RAPGEF1: variants seen among roughly 807,000 people sequenced by gnomAD.
RAPGEF1 encodes the protein CRK SH3-binding GNRP.
In RAPGEF1, 33 loss-of-function variants were observed where a neutral mutation model predicts 143.3. The observed-to-expected ratio is 0.23, with a 90% CI of 0.17 to 0.31. The LOEUF is 0.31. RAPGEF1 is among the 10% of genes least tolerant of loss of function. The pLI is 1.00. For synonymous variants in RAPGEF1, 629 were observed against 676.5 expected (o/e 0.93, Z 1.09); for missense variants, 1,199 against 1,645.4 (o/e 0.73, Z 4.69).
At chr9:131,587,631 C>A in intron 22 of RAPGEF1, 105 bp downstream of exon 22, 2 of 1,025,238 alleles carry the variant, frequency 2.0e-6, no homozygotes, top group South Asian at 1.4e-5. Context: ...ATGAAAGAGG[C>A]AGCTCCTTCT....
chr9:131,639,437 AGTGTGTGTGTGTGT>A (rs3837234), intron 4 of RAPGEF1, among the ~76,000 whole-genome samples: 2 of 149,068 alleles, frequency 1.3e-5, no homozygotes, highest in Non-Finnish European at 3.0e-5. Context: ...AACGCAGGTG[AGTGTGTGTGTGTGT>A]GTGTGTGTGT....
At chr9:131,661,181 A>T (rs1973977227) in intron 1 of RAPGEF1, among the ~76,000 whole-genome samples, 1 of 152,246 alleles carries the variant, frequency 6.6e-6, no homozygotes, top group African/African-American at 2.4e-5. Flanking sequence ...TCACCATCAG[A>T]CATGTACCAG....
intron 13 of RAPGEF1, 30 bp downstream of exon 13, chr9:131,604,885 GGTGTGTGTGTGTGTGT>G: frequency 8.4e-7 from 1 of 1,191,408 alleles, no homozygotes; most frequent in Admixed American, 2.6e-5. Context: ...CATGTGCAGG[GGTGTGTGTGTGTGTGT>G]GTGTGTGTGT....
chr9:131,610,766 C>T (rs1957916002), intron 12 of RAPGEF1, among the ~76,000 whole-genome samples: 1 of 152,198 alleles, frequency 6.6e-6, no homozygotes, highest in Non-Finnish European at 1.5e-5. Context: ...AGTGTGGGCC[C>T]TAATTTATCT....
Position 131,613,547 on chromosome 9 carries a change from C to T in RAPGEF1, c.2061+5504G>A, listed in dbSNP as rs191725442. Among the ~76,000 whole-genome samples, 3 of 152,274 alleles carry T rather than the reference C, an allele frequency of 2.0e-5. No homozygotes were observed. The East Asian group carries it at 5.8e-4, about 29-fold the overall frequency. On this transcript the variant is annotated intron_variant, in intron 12 of 26. Coordinates refer to ENST00000683357, the MANE Select transcript of RAPGEF1 (RefSeq NM_001377935.1). ...GGGGTGGGGAGGAAGTGAGTGGCCA[C>T]GGGCTGGAGAGAAGCGGACCCGCTC...
intron 11 of RAPGEF1, among the ~76,000 whole-genome samples, chr9:131,619,656 C>T (rs1960167312): frequency 6.6e-6 from 1 of 152,190 alleles, no homozygotes; most frequent in Non-Finnish European, 1.5e-5. Flanking sequence ...GTCTCCGTGC[C>T]TCAGGTTTTC....
In RAPGEF1 at chr9:131,679,775, A is replaced by G. The variant is rs534985254; in HGVS notation, c.62-28826T>C. ...AAAGAACTGATTTCCTTGGAGCTGT[A>G]GGACTAAGGTCCCCAGCTTCTTGTT... On this transcript the variant is annotated intron_variant, in intron 1 of 26. Transcript: ENST00000683357. Among the ~76,000 whole-genome samples the G allele has an allele frequency of 4.9e-3, 747 of 152,344 alleles. 4 individuals are homozygous for G. Among genetic ancestry groups the G allele is most frequent in the Non-Finnish European group, 8.2e-3 (560 of 68,030 alleles).
chr9:131,642,546 C>A (rs988985657), intron 4 of RAPGEF1, among the ~76,000 whole-genome samples: 2 of 152,218 alleles, frequency 1.3e-5, no homozygotes, highest in Non-Finnish European at 2.9e-5. Flanking sequence ...TGAACACGTG[C>A]CTGCTTGCTT....
chr9:131,604,960 G>C lies in RAPGEF1; in HGVS notation c.2290C>G (p.Leu764Val). Residue 764 changes from leucine to valine, a missense_variant, in exon 13 of 27, where the codon CTT (leucine) becomes GTT (valine). Transcript: ENST00000683357. ...ESSFHGNTVCLPSETSFTDSS... is the reference protein window; with the variant it reads ...ESSFHGNTVCVPSETSFTDSS... ...TCAGTGAAAGAGGTTTCGGAAGGAA[G>C]GCAGACAGTATTCCCATGAAAGCTG... is the stretch of plus-strand genomic sequence containing the variant. 7.6e-7 allele frequency: 1 copy of C among 1,313,450 alleles called. No individual in the cohort carries two copies. Among genetic ancestry groups the C allele is most frequent in the Non-Finnish European group, 1.0e-6 (1 of 994,194 alleles). 81.4% of individuals were successfully genotyped at this position (1,313,450 alleles called of 1,614,324 possible). A position where few individuals can be genotyped will look rare whatever the true frequency, so the allele number is the denominator to read the frequency against.
chr9:131,648,363 C>T (rs1168759954), intron 3 of RAPGEF1, among the ~76,000 whole-genome samples: 1 of 152,148 alleles, frequency 6.6e-6, no homozygotes, highest in East Asian at 1.9e-4. Context: ...TGCACTCCAG[C>T]CTGGGCGACA....
Position 131,638,787 on chromosome 9 carries a change from C to T in RAPGEF1, c.499G>A (p.Ala167Thr). ...ACTCGGCTATAGCAGGAAGAGAGGG[C>T]TGAGCTACAGGGAAGAGAAGAATGG... ...QNDPRIQHSS[A>T]LSSCYSRVYQ... Residue 167 changes from alanine (A) to threonine (T), a missense_variant, in exon 5 of 27, where the codon GCC (alanine) becomes ACC (threonine). Coordinates refer to ENST00000683357, the MANE Select transcript of RAPGEF1 (RefSeq NM_001377935.1). The T allele has an allele frequency of 2.5e-6, 4 of 1,613,796 alleles. No individual in the cohort carries two copies. The highest frequency in any genetic ancestry group is 1.7e-5 in the Admixed American group (1 of 60,000).
intron 10 of RAPGEF1, among the ~76,000 whole-genome samples, chr9:131,625,575 T>G (rs565706510): frequency 6.6e-6 from 1 of 152,318 alleles, no homozygotes; most frequent in South Asian, 2.1e-4. Flanking sequence ...TACACAGATG[T>G]TGCTGCAATG....
At chr9:131,616,843 G>A (rs1272770560) in intron 12 of RAPGEF1, among the ~76,000 whole-genome samples, 3 of 152,184 alleles carry the variant, frequency 2.0e-5, no homozygotes, top group Non-Finnish European at 4.4e-5. Context: ...AGGACATGTT[G>A]GCACCGTACT....
chr9:131,717,836 A>AC (rs1373724400), intron 1 of RAPGEF1, among the ~76,000 whole-genome samples: 3 of 151,056 alleles, frequency 2.0e-5, no homozygotes, highest in Non-Finnish European at 4.4e-5. Flanking sequence ...AGTGATGCGC[A>AC]CCCTATCTGT....
In RAPGEF1 at chr9:131,618,948, C is replaced by G. The variant is rs529489403; in HGVS notation, c.2061+103G>C. 3.8e-5 allele frequency: 40 copies of G among 1,055,850 alleles called. No homozygotes were observed. In the South Asian group the frequency reaches 5.6e-4, roughly 15 times the overall value. The allele number at this position is 1,055,850 out of a possible 1,614,324, so 65.4% of individuals were successfully genotyped here. Reference sequence around the variant, plus strand: ...CTAGGTGTAGGGACCCGCAGAAGGGCAGGGGCCGCGACGGGCAGCAGAACA... The same window carrying G: ...CTAGGTGTAGGGACCCGCAGAAGGGGAGGGGCCGCGACGGGCAGCAGAACA... On this transcript the variant is annotated intron_variant, in intron 12 of 26. Transcript: ENST00000683357.
chr9:131,602,959 C>A (rs984411650), intron 14 of RAPGEF1, among the ~76,000 whole-genome samples: 2 of 152,200 alleles, frequency 1.3e-5, no homozygotes, highest in Non-Finnish European at 2.9e-5. Context: ...GAGAGCCATG[C>A]GAAGCTGGCC....
At position 131,584,025 on chromosome 9, in the gene RAPGEF1, C is replaced by T. The variant is rs561759011; in HGVS notation, c.3414+286G>A. ...TTCAGAAGAACGGGCTGAGGGCGGG[C>T]GGGGGAGGCGGGAACCCAGGGATGG... On this transcript the variant is annotated intron_variant, in intron 24 of 26. Coordinates refer to ENST00000683357, the MANE Select transcript of RAPGEF1 (RefSeq NM_001377935.1). The surrounding 1 kb of genome is among the most constrained non-coding windows in gnomAD (Gnocchi z 6.8). Among the ~76,000 whole-genome samples the T allele has an allele frequency of 1.3e-5, 2 of 152,288 alleles. No individual in the cohort carries two copies. The highest frequency in any genetic ancestry group is 6.5e-5 in the Admixed American group (1 of 15,300).
At chr9:131,605,278 AG>A in intron 12 of RAPGEF1, 90 bp from the exon 13 acceptor site, 1 of 1,124,372 alleles carries the variant, frequency 8.9e-7, no homozygotes, top group Non-Finnish European at 1.2e-6. Context: ...GAGCAGTGAC[AG>A]GCCGTTCACA....
chr9:131,719,172 A>T (rs1302948889), intron 1 of RAPGEF1, among the ~76,000 whole-genome samples: 4 of 152,142 alleles, frequency 2.6e-5, no homozygotes. Context: ...TAGTTTGTAA[A>T]TGTCTTGCTT....
Sources: allele counts gnomAD v4.1 joint callset (sites outside exome capture counted in the v4.1 genomes callset), GRCh38; gene constraint gnomAD v4.1.1; non-coding constraint Gnocchi (gnomAD v3.1); transcripts MANE v1.5; gene names NCBI Gene and HGNC (gene_info 2026-07-23, HGNC 2026-07-21).